Variants in ATP8A2 observed in about 807,000 individuals in gnomAD.
The protein encoded by ATP8A2 is phospholipid-transporting ATPase IB.
Under a neutral mutation model 165.6 loss-of-function variants are expected in ATP8A2, and 100 were observed. That is an observed-to-expected ratio of 0.60 (90% confidence interval 0.51 to 0.71). The LOEUF is 0.71. ATP8A2 is among the 30% of genes least tolerant of loss of function. The probability of loss-of-function intolerance (pLI) is 0.00; values close to 1 mark genes in which losing one functional copy is unlikely to be tolerated. For synonymous variants in ATP8A2, 543 were observed against 548.8 expected, an observed-to-expected ratio of 0.99 and a Z score of 0.15; for missense variants, 1,227 against 1,479.5, an observed-to-expected ratio of 0.83 and a Z score of 2.80.
At chr13:25,516,614 A>G (rs1226827741) in intron 2 of ATP8A2, among the ~76,000 whole-genome samples, 1 of 152,086 alleles carries the variant, frequency 6.6e-6, no homozygotes, top group Non-Finnish European at 1.5e-5. Flanking sequence ...GAGGCCAGAT[A>G]TTTTTATAAC....
chr13:25,738,574 G>A (rs937753732), intron 25 of ATP8A2, among the ~76,000 whole-genome samples: 5 of 152,218 alleles, frequency 3.3e-5, no homozygotes, highest in Admixed American at 6.5e-5. Flanking sequence ...GGGTGGGAAG[G>A]GGCCTGGGCC....
intron 24 of ATP8A2, among the ~76,000 whole-genome samples, chr13:25,626,338 T>C (rs760090373): frequency 6.6e-6 from 1 of 152,136 alleles, no homozygotes; most frequent in Admixed American, 6.6e-5. Flanking sequence ...TGCTGCATCA[T>C]AACACAGGAG....
At chr13:25,560,636 G>T (rs1345592226) in intron 15 of ATP8A2, among the ~76,000 whole-genome samples, 2 of 146,620 alleles carry the variant, frequency 1.4e-5, no homozygotes, top group African/African-American at 2.5e-5. Context: ...GGGGGCAGAG[G>T]TTGCAGTGAG....
At chr13:25,414,834 G>A (rs1477366234) in intron 1 of ATP8A2, among the ~76,000 whole-genome samples, 1 of 152,096 alleles carries the variant, frequency 6.6e-6, no homozygotes, top group Non-Finnish European at 1.5e-5. Flanking sequence ...ATTGCTATTT[G>A]CTTATTTTCC....
intron 33 of ATP8A2, among the ~76,000 whole-genome samples, chr13:25,911,888 G>A (rs752436356): frequency 2.6e-5 from 4 of 152,050 alleles, no homozygotes; most frequent in Non-Finnish European, 5.9e-5. Flanking sequence ...ATTAACTGTG[G>A]AGAAAAGGGA....
chr13:25,521,127 G>T (rs1041573964), intron 2 of ATP8A2, among the ~76,000 whole-genome samples: 21 of 152,094 alleles, frequency 1.4e-4, no homozygotes, highest in Non-Finnish European at 1.5e-4. Context: ...GTTACGTTGA[G>T]CATTTTCCTG....
Position 25,469,051 on chromosome 13 carries a change from C to T in ATP8A2, c.151C>T (p.Leu51=). The T allele has an allele frequency of 6.2e-7, 1 of 1,614,092 alleles. No homozygotes were observed. Among genetic ancestry groups the T allele is most frequent in the Non-Finnish European group, 8.5e-7 (1 of 1,179,918 alleles). Residue 51 remains leucine (L), a synonymous_variant, in exon 2 of 37, where the codon CTG becomes TTG. Coordinates refer to ENST00000381655, the MANE Select transcript of ATP8A2 (RefSeq NM_016529.6). ...CCGGGCCACGTCTGTTGGAGACCAG[C>T]TGGAGGCACCCGCCCGCACCATTTA... The part of the protein sequence containing the change: ...MSRATSVGDQ[L]EAPARTIYLN...
chr13:25,933,396 A>G (rs1214693372), intron 33 of ATP8A2, among the ~76,000 whole-genome samples: 1 of 152,156 alleles, frequency 6.6e-6, no homozygotes, highest in African/African-American at 2.4e-5. Flanking sequence ...CATATCACCT[A>G]ATCTCTTTAT....
chr13:25,720,271 C>T (rs1406543021), intron 25 of ATP8A2, among the ~76,000 whole-genome samples: 1 of 150,742 alleles, frequency 6.6e-6, no homozygotes, highest in African/African-American at 2.5e-5. Context: ...AGGTTCATGC[C>T]ATTCTCCTGC....
rs560504180 is a variant in ATP8A2 at position 25,547,837 on chromosome 13, G to A, written c.892-3501G>A. ...TTTTCAAAATCTGACATTTTGACCT[G>A]TTTCTATTTATAAGTCCGTTACACT... On this transcript the variant is annotated intron_variant, in intron 10 of 36. Coordinates refer to ENST00000381655, the MANE Select transcript of ATP8A2 (RefSeq NM_016529.6). Among the ~76,000 whole-genome samples the A allele has an allele frequency of 2.0e-5, 3 of 152,242 alleles. No individual in the cohort carries two copies. In the East Asian group the frequency reaches 5.8e-4, roughly 29 times the overall value.
At chr13:25,708,609 C>A (rs1244781155) in intron 25 of ATP8A2, among the ~76,000 whole-genome samples, 1 of 151,800 alleles carries the variant, frequency 6.6e-6, no homozygotes, top group African/African-American at 2.4e-5. Flanking sequence ...AAAAAAAAAA[C>A]TCCATCCTGG....
chr13:25,953,788 G>A lies in ATP8A2; in HGVS notation c.3184-7787G>A, dbSNP rs1418176184. Among the ~76,000 whole-genome samples, 1 of 152,116 alleles carries A rather than the reference G, an allele frequency of 6.6e-6. No homozygotes were observed. The highest frequency in any genetic ancestry group is 1.5e-5 in the Non-Finnish European group (1 of 68,028). ...CTCCCCTAGCCGAGGGAAGCCGTGA[G>A]GGACTGTGCTGTAAGGAACCATGCA... On this transcript the variant is annotated intron_variant, in intron 33 of 36. Coordinates refer to ENST00000381655, the MANE Select transcript of ATP8A2 (RefSeq NM_016529.6). This position sits in a 1 kb window ranked among gnomAD's most constrained non-coding sequence, Gnocchi z 6.7.
In ATP8A2 at chr13:25,530,562, C is replaced by G; in HGVS notation, c.322C>G (p.Gln108Glu). 6.4e-7 allele frequency: 1 copy of G among 1,562,916 alleles called. No homozygotes were observed. The highest frequency in any genetic ancestry group is 8.7e-7 in the Non-Finnish European group (1 of 1,145,782). The change falls in exon 4 of 37, where the codon CAA becomes GAA. Residue 108 changes from glutamine to glutamate, a missense_variant and splice_region_variant. Physicochemically the swap from Gln to Glu is conservative, Grantham distance 29. Transcript: ENST00000381655. ...CTACTTGTGGTCTCTTATCTTCCAGCAAATTCCAGATGTATCTCCAACAGG... is the reference window on the plus strand; with the variant it reads ...CTACTTGTGGTCTCTTATCTTCCAGGAAATTCCAGATGTATCTCCAACAGG... ...AFFLFIALLQ[Q>E]IPDVSPTGRY...
At chr13:25,825,972 G>A (rs578014481) in intron 27 of ATP8A2, among the ~76,000 whole-genome samples, 2 of 152,222 alleles carry the variant, frequency 1.3e-5, no homozygotes, top group Non-Finnish European at 2.9e-5. Flanking sequence ...GATGGTCAAA[G>A]GGTACAAAGT....
chr13:25,948,139 T>G (rs1337826585), intron 33 of ATP8A2, among the ~76,000 whole-genome samples: 1 of 152,106 alleles, frequency 6.6e-6, no homozygotes, highest in Non-Finnish European at 1.5e-5. Flanking sequence ...ATCTGGGACT[T>G]CTATAGCACA....
At chr13:25,533,207 G>T in intron 5 of ATP8A2, 66 bp from the exon 6 acceptor site, 1 of 848,142 alleles carries the variant, frequency 1.2e-6, no homozygotes, top group South Asian at 1.5e-5. Flanking sequence ...GAAAGCTTTT[G>T]GATTTTAGGA....
At chr13:25,449,853 G>T (rs1336811403) in intron 1 of ATP8A2, among the ~76,000 whole-genome samples, 2 of 151,882 alleles carry the variant, frequency 1.3e-5, no homozygotes, top group African/African-American at 2.4e-5. Flanking sequence ...TAAATTCAGG[G>T]GTACAAGTGC....
intron 27 of ATP8A2, among the ~76,000 whole-genome samples, chr13:25,797,561 C>T (rs897666959): frequency 6.6e-6 from 1 of 152,140 alleles, no homozygotes; most frequent in Non-Finnish European, 1.5e-5. Flanking sequence ...GAAACGATTT[C>T]ATCTGCAACT....
chr13:25,737,574 A>G (rs1339624818), intron 25 of ATP8A2, among the ~76,000 whole-genome samples: 2 of 152,246 alleles, frequency 1.3e-5, no homozygotes, highest in East Asian at 1.9e-4. Flanking sequence ...ATCATGGCTC[A>G]CTGGAGCCTT....
Sources: gnomAD v4.1 joint callset for allele counts (sites outside exome capture counted in the v4.1 genomes callset) on GRCh38, gnomAD v4.1.1 for gene constraint, Gnocchi (gnomAD v3.1) non-coding constraint, MANE v1.5 for transcripts, NCBI Gene and HGNC (gene_info 2026-07-23, HGNC 2026-07-21) for gene names.